The following CLASP1 variants were observed in gnomAD, a reference collection of about 807,000 sequenced individuals.
CLASP1 encodes cytoplasmic linker associated protein 1.
CLASP1 carries 38 observed loss-of-function variants against 192.3 expected under a neutral mutation model. The ratio of observed to expected loss-of-function variants is 0.20; its 90% CI spans 0.15 to 0.26. CLASP1 has a LOEUF of 0.26. Ranked by LOEUF, CLASP1 falls within the 10% of genes least tolerant of loss-of-function variation. The pLI is 1.00. For synonymous variants in CLASP1, 691 were observed against 712.8 expected (o/e 0.97, Z 0.49); for missense variants, 1,433 against 1,932.5 (o/e 0.74, Z 4.85).
At chr2:121,530,989 T>G in intron 2 of CLASP1, 3 of 700,404 alleles carry the variant, frequency 4.3e-6, no homozygotes, top group East Asian at 5.4e-5. Flanking sequence ...TGCTTTATTT[T>G]GGTGCAATTT....
chr2:121,575,251 A>G (rs1295526321), intron 2 of CLASP1, among the ~76,000 whole-genome samples: 1 of 151,836 alleles, frequency 6.6e-6, no homozygotes, highest in African/African-American at 2.4e-5. Flanking sequence ...AGCTAGGATT[A>G]GACGTGCACC....
chr2:121,459,388 A>G (rs2087398058), intron 12 of CLASP1, among the ~76,000 whole-genome samples: 1 of 152,144 alleles, frequency 6.6e-6, no homozygotes, highest in Admixed American at 6.5e-5. Flanking sequence ...AATATGAAAA[A>G]GCACCCTTGG....
In CLASP1 at chr2:121,433,096, C is replaced by A. The variant is rs568035688; in HGVS notation, c.1913-2919G>T. On this transcript the variant is annotated intron_variant, in intron 19 of 39. Coordinates refer to ENST00000263710, the Ensembl canonical transcript of CLASP1. Reference sequence around the variant, plus strand: ...CAGCACTTTAGGAGGCCAAGGTGAGCGGATCACCTGAGGTCAGGAGCTCGA... The same window carrying A: ...CAGCACTTTAGGAGGCCAAGGTGAGAGGATCACCTGAGGTCAGGAGCTCGA... Among the ~76,000 whole-genome samples, 4 of 151,352 alleles carry A rather than the reference C, an allele frequency of 2.6e-5. No individual in the cohort carries two copies. The South Asian group carries it at 8.4e-4, about 32-fold the overall frequency.
chr2:121,467,915 G>C (rs980736028), intron 9 of CLASP1, among the ~76,000 whole-genome samples: 3 of 151,938 alleles, frequency 2.0e-5, no homozygotes, highest in African/African-American at 7.2e-5. Context: ...GGGTTTTATA[G>C]TTTTGAGTTA....
chr2:121,535,588 A>G (rs192406823), intron 2 of CLASP1, among the ~76,000 whole-genome samples: 33 of 152,328 alleles, frequency 2.2e-4, no homozygotes, highest in Admixed American at 3.3e-4. Context: ...TCAAGTTTAA[A>G]TGGAATTTAA....
exon 25 of CLASP1, chr2:121,407,572 A>C (rs368183089): frequency 1.9e-6 from 3 of 1,613,958 alleles, no homozygotes; most frequent in Non-Finnish European, 2.5e-6. Flanking sequence ...CTTCTGCTAC[A>C]TCCTCAGTCT....
rs1559365365 is a variant in CLASP1 at position 121,478,664 on chromosome 2, C to CA, written c.713-8705_713-8704insT. On this transcript the variant is annotated intron_variant, in intron 8 of 39. Coordinates refer to ENST00000263710, the Ensembl canonical transcript of CLASP1. ...ACACACCCCCCACACACACACACCC[C>CA]CCACACACACCACACACACACCCCA... 1.7e-3 allele frequency among the ~76,000 whole-genome samples: 172 copies of CA among 98,544 alleles called. 2 individuals are homozygous for CA. The highest frequency in any genetic ancestry group is 7.2e-3 in the African/African-American group (165 of 22,822). 64.6% of individuals were successfully genotyped at this position (98,544 alleles called of 152,430 possible). A position where few individuals can be genotyped will look rare whatever the true frequency, so the allele number is the denominator to read the frequency against.
chr2:121,384,506 C>T (rs2072739049), intron 32 of CLASP1, among the ~76,000 whole-genome samples: 1 of 151,900 alleles, frequency 6.6e-6, no homozygotes, highest in African/African-American at 2.4e-5. Flanking sequence ...TATTTTTAAA[C>T]AATTATCAGA....
intron 12 of CLASP1, 58 bp downstream of exon 12, chr2:121,459,922 C>A: frequency 6.7e-7 from 1 of 1,496,742 alleles, no homozygotes; most frequent in African/African-American, 1.4e-5. Flanking sequence ...GGAGACATCT[C>A]TGAAGCTCTG....
intron 8 of CLASP1, among the ~76,000 whole-genome samples, chr2:121,500,401 GAA>G (rs1271638932): frequency 6.6e-5 from 7 of 105,628 alleles, no homozygotes; most frequent in Admixed American, 2.1e-4. Flanking sequence ...AGAAAGAAAA[GAA>G]AGAAAGAAAG....
At chr2:121,594,722 T>C (rs1229961023) in intron 2 of CLASP1, among the ~76,000 whole-genome samples, 9 of 152,164 alleles carry the variant, frequency 5.9e-5, no homozygotes, top group Admixed American at 4.6e-4. Context: ...CTGATTTAGA[T>C]AGCTGTCCTA....
chr2:121,513,805 C>A (rs1257698347), intron 7 of CLASP1, among the ~76,000 whole-genome samples: 3 of 152,226 alleles, frequency 2.0e-5, no homozygotes, highest in Non-Finnish European at 4.4e-5. Flanking sequence ...AAGTGAGATG[C>A]TTTCTATCAG....
At chr2:121,427,601 C>G in intron 20 of CLASP1, 171 bp from the exon 21 acceptor site, 1 of 667,680 alleles carries the variant, frequency 1.5e-6, no homozygotes, top group South Asian at 2.0e-5. Flanking sequence ...TTATGTTTAT[C>G]TTTGTCATTC....
Position 121,487,247 on chromosome 2 carries a change from C to T in CLASP1, c.712+15920G>A, listed in dbSNP as rs543291120. 1.3e-3 allele frequency among the ~76,000 whole-genome samples: 201 copies of T among 152,280 alleles called. 1 individual carries two copies. Among genetic ancestry groups the T allele is most frequent in the African/African-American group, 4.6e-3 (193 of 41,558 alleles). On this transcript the variant is annotated intron_variant, in intron 8 of 39. Transcript: ENST00000263710. ...CAGTCCCACTGAGGCCAACCTAATT[C>T]GGGTCTTCCTCATCTCTCAGGTAGA...
chr2:121,390,912 G>C (rs1359388889), intron 30 of CLASP1, among the ~76,000 whole-genome samples: 2 of 152,040 alleles, frequency 1.3e-5, no homozygotes, highest in Admixed American at 6.6e-5. Flanking sequence ...CTGCAGCCTT[G>C]AGCTCATGTA....
At chr2:121,606,786 A>G (rs1271937747) in intron 1 of CLASP1, among the ~76,000 whole-genome samples, 1 of 152,256 alleles carries the variant, frequency 6.6e-6, no homozygotes, top group African/African-American at 2.4e-5. Flanking sequence ...AGGTGGGCGC[A>G]GTGGCTCACG....
chr2:121,473,574 T>C (rs1313409940), intron 8 of CLASP1, among the ~76,000 whole-genome samples: 1 of 152,088 alleles, frequency 6.6e-6, no homozygotes, highest in Non-Finnish European at 1.5e-5. Flanking sequence ...TGAGAAATGA[T>C]GGCCAAAACA....
chr2:121,517,758 G>A (rs114748006), intron 6 of CLASP1, among the ~76,000 whole-genome samples: 22 of 151,652 alleles, frequency 1.5e-4, no homozygotes, highest in African/African-American at 4.6e-4. Context: ...ACTTGGGGGG[G>A]CCTGAGGTAA....
At chr2:121,598,753 G>A (rs2063428697) in intron 2 of CLASP1, among the ~76,000 whole-genome samples, 4 of 152,160 alleles carry the variant, frequency 2.6e-5, no homozygotes, top group Admixed American at 1.3e-4. Context: ...AACTAAGTAA[G>A]GAATAAATGG....
Sources: gnomAD v4.1 joint callset for allele counts (sites outside exome capture counted in the v4.1 genomes callset) on GRCh38, gnomAD v4.1.1 for gene constraint, MANE v1.5 for transcripts, NCBI Gene and HGNC (gene_info 2026-07-23, HGNC 2026-07-21) for gene names.